Variants in CDKN2A observed in about 807,000 individuals in gnomAD.
CDKN2A encodes the protein cyclin-dependent kinase inhibitor 2A.
Under a neutral mutation model 11.1 loss-of-function variants are expected in CDKN2A, and 3 were observed. The observed-to-expected ratio is 0.27, with a 90% CI of 0.12 to 0.70. CDKN2A has a LOEUF of 0.70. Ranked by LOEUF, CDKN2A falls within the 30% of genes least tolerant of loss-of-function variation. The probability of loss-of-function intolerance (pLI) is 0.77; values close to 1 mark genes in which losing one functional copy is unlikely to be tolerated. For missense variants in CDKN2A, 265 were observed against 233.6 expected (o/e 1.13, Z -0.88); for synonymous variants, 122 against 108.1 (o/e 1.13, Z -0.80).
upstream of CDKN2A, among the ~76,000 whole-genome samples, chr9:21,976,463 C>T (rs1239414475): frequency 6.6e-6 from 1 of 151,976 alleles, no homozygotes; most frequent in Non-Finnish European, 1.5e-5. Context: ...CGTCTATAAT[C>T]CCAGCATTCT....
chr9:21,979,038 A>G (rs1437658727), upstream of CDKN2A, among the ~76,000 whole-genome samples: 1 of 152,208 alleles, frequency 6.6e-6, no homozygotes, highest in Non-Finnish European at 1.5e-5. Flanking sequence ...AAGGTGACCA[A>G]ACTCATTCTC....
intron 2 of CDKN2A, chr9:21,989,450 G>A (rs1483219715): frequency 6.6e-6 from 1 of 152,040 alleles, no homozygotes; most frequent in Non-Finnish European, 1.5e-5. Context: ...GAGAGACATC[G>A]TCACTGGAAA....
Position 21,995,138 on chromosome 9 carries a change from C to T in CDKN2A, c.-493G>A, listed in dbSNP as rs925481547. The stretch of plus-strand genomic sequence containing the variant: ...GCGGCGCTGGCGCTGCCGGAGCTGT[C>T]GACCCGGCCTGGCGCCGGACTAGGT... On this transcript the variant is annotated 5_prime_UTR_variant, in exon 1 of 4. Coordinates refer to the CDKN2A transcript ENST00000494262. This position sits in a 1 kb window ranked among gnomAD's most constrained non-coding sequence, Gnocchi z 5.7. 1 of 152,196 alleles carries T rather than the reference C, an allele frequency of 6.6e-6. No homozygotes were observed. The highest frequency in any genetic ancestry group is 2.4e-5 in the African/African-American group (1 of 41,460). 9.4% of individuals were successfully genotyped at this position (152,196 alleles called of 1,614,324 possible).
upstream of CDKN2A, chr9:21,975,067 A>C (rs1225672922): frequency 1.3e-5 from 17 of 1,328,186 alleles, no homozygotes; most frequent in Non-Finnish European, 1.6e-5. Flanking sequence ...CACTTAGCGA[A>C]TGTGGCACCC....
chr9:21,971,893 T>G (rs1380082681), intron 1 of CDKN2A, among the ~76,000 whole-genome samples: 1 of 152,070 alleles, frequency 6.6e-6, no homozygotes, highest in Non-Finnish European at 1.5e-5. Flanking sequence ...ATGAGAGCAT[T>G]TGGGATTTAC....
intron 2 of CDKN2A, chr9:21,989,847 C>T (rs1482096685): frequency 6.6e-6 from 1 of 152,262 alleles, no homozygotes; most frequent in Non-Finnish European, 1.5e-5. Context: ...GATCACATCG[C>T]TCCTGCGGAA....
Position 21,974,607 on chromosome 9 carries a change from A to C in CDKN2A, c.150+71T>G, listed in dbSNP as rs2131110920. 6.2e-7 allele frequency: 1 copy of C among 1,613,830 alleles called. No homozygotes were observed. Among genetic ancestry groups the C allele is most frequent in the South Asian group, 1.1e-5 (1 of 91,050 alleles). ...GAGAATCGAAGCGCTACCTGATTCC[A>C]ATTCCCCTGCAAACTTCGTCCTCCA... On this transcript the variant is annotated intron_variant, in intron 1 of 2. Transcript: ENST00000304494. The surrounding 1 kb of genome is among the most constrained non-coding windows in gnomAD (Gnocchi z 5.2).
At chr9:21,994,117 A>C (rs1226949631) in intron 1 of CDKN2A, 2 of 1,598,224 alleles carry the variant, frequency 1.3e-6, no homozygotes, top group Admixed American at 3.3e-5. Flanking sequence ...TGCGCCCCGG[A>C]CTTTTCGAGG....
chr9:21,970,813 C>T (rs2131090479), intron 2 of CDKN2A, 89 bp downstream of exon 2: 1 of 1,519,060 alleles, frequency 6.6e-7, no homozygotes, highest in Admixed American at 1.7e-5. Flanking sequence ...GGAGACTGGT[C>T]TCCCGGGCTG....
chr9:21,989,371 A>G (rs1441578825), intron 2 of CDKN2A: 1 of 152,130 alleles, frequency 6.6e-6, no homozygotes, highest in African/African-American at 2.4e-5. Flanking sequence ...TTTTATTCTA[A>G]TCAATGATTT....
At chr9:21,970,862 A>G (rs2131090980) in intron 2 of CDKN2A, 40 bp downstream of exon 2, 1 of 1,603,170 alleles carries the variant, frequency 6.2e-7, no homozygotes, top group Non-Finnish European at 8.5e-7. Flanking sequence ...TGAGCTTTGG[A>G]AGCTCTCAGG....
At chr9:21,990,843 G>A (rs1255623997) in intron 2 of CDKN2A, among the ~76,000 whole-genome samples, 2 of 152,072 alleles carry the variant, frequency 1.3e-5, no homozygotes, top group Non-Finnish European at 2.9e-5. Flanking sequence ...ATTAATCTTT[G>A]TCAGAACCTT....
rs768278082 is a variant in CDKN2A at position 21,974,813 on chromosome 9, C to A, written c.15G>T (p.Ala5=). 1.9e-6 allele frequency: 3 copies of A among 1,601,212 alleles called. No homozygotes were observed. The highest frequency in any genetic ancestry group is 2.5e-6 in the Non-Finnish European group (3 of 1,177,272). ...CAGCCGAAGGCTCCATGCTGCTCCC[C>A]GCCGCCGGCTCCATGCTGCTCCCCG... MEPA[A]GSSMEPSADW... The change falls in exon 1 of 3, where the codon GCG becomes GCT. Residue 5 remains alanine, a synonymous_variant. Transcript: ENST00000304494. This position sits in a 1 kb window ranked among gnomAD's most constrained non-coding sequence, Gnocchi z 5.2.
intron 1 of CDKN2A, chr9:21,994,371 G>T (rs750053305): frequency 6.2e-7 from 1 of 1,607,434 alleles, no homozygotes; most frequent in Non-Finnish European, 8.5e-7. Context: ...CAGCCGCTGC[G>T]CCGCCCTTTG....
Position 21,979,929 on chromosome 9 carries a change from T to A in CDKN2A, c.-3-8721A>T, listed in dbSNP as rs374811502. Among the ~76,000 whole-genome samples, 4 of 152,194 alleles carry A rather than the reference T, an allele frequency of 2.6e-5. No homozygotes were observed. The East Asian group carries it at 7.7e-4, about 29-fold the overall frequency. On this transcript the variant is annotated intron_variant, in intron 2 of 3. Coordinates refer to the CDKN2A transcript ENST00000494262. The stretch of plus-strand genomic sequence containing the variant: ...GACTAGTCATAATAGATGTGAATAT[T>A]AATTCAACATATTACCATAAAGAGA...
intron 2 of CDKN2A, among the ~76,000 whole-genome samples, chr9:21,981,891 G>T (rs1464704175): frequency 2.6e-5 from 4 of 152,124 alleles, no homozygotes; most frequent in Admixed American, 6.5e-5. Context: ...GCATGAAAGG[G>T]AGACCTCTGA....
chr9:21,984,330 G>A (rs1480453332), intron 2 of CDKN2A, among the ~76,000 whole-genome samples: 1 of 152,018 alleles, frequency 6.6e-6, no homozygotes, highest in Non-Finnish European at 1.5e-5. Context: ...ACACTGGAGA[G>A]TGTCACTGTG....
At chr9:21,994,999 G>C (rs1820576525) in exon 1 of CDKN2A, 1 of 152,300 alleles carries the variant, frequency 6.6e-6, no homozygotes, top group Non-Finnish European at 1.5e-5. Context: ...CGCCAATCAG[G>C]AGGCTGAATG....
At chr9:21,975,757 G>A (rs997936419), upstream of CDKN2A, among the ~76,000 whole-genome samples, 7 of 152,216 alleles carry the variant, frequency 4.6e-5, no homozygotes, top group African/African-American at 1.7e-4. Context: ...CATTCTCAAA[G>A]TCATAATTCC....
Sources: gnomAD v4.1 joint callset for allele counts (sites outside exome capture counted in the v4.1 genomes callset) on GRCh38, gnomAD v4.1.1 for gene constraint, Gnocchi (gnomAD v3.1) non-coding constraint, MANE v1.5 for transcripts, NCBI Gene and HGNC (gene_info 2026-07-23, HGNC 2026-07-21) for gene names.